Variants in ITFG1 observed in about 807,000 individuals in gnomAD.
ITFG1 encodes T-cell immunomodulatory protein.
Under a neutral mutation model 81.8 loss-of-function variants are expected in ITFG1, and 34 were observed. The ratio of observed to expected loss-of-function variants is 0.42; its 90% CI spans 0.32 to 0.55. The LOEUF (loss-of-function observed/expected upper bound fraction) is 0.55, where lower values mean the gene tolerates loss of function less well. ITFG1 is among the 20% of genes least tolerant of loss of function. ITFG1 has a pLI of 0.17. For missense variants in ITFG1, 672 were observed against 755.4 expected (o/e 0.89, Z 1.29); for synonymous variants, 285 against 270.6 (o/e 1.05, Z -0.52).
chr16:47,293,188 T>C (rs945992605), intron 10 of ITFG1, among the ~76,000 whole-genome samples: 2 of 147,618 alleles, frequency 1.4e-5, no homozygotes, highest in Non-Finnish European at 3.0e-5. Context: ...ACAAATGATA[T>C]ATATTATATA....
intron 5 of ITFG1, among the ~76,000 whole-genome samples, chr16:47,438,655 A>C (rs1969202780): frequency 6.6e-6 from 1 of 152,194 alleles, no homozygotes; most frequent in Admixed American, 6.5e-5. Context: ...TAACAAACAG[A>C]ATGGACATCC....
At chr16:47,226,338 T>C (rs961050804) in intron 13 of ITFG1, among the ~76,000 whole-genome samples, 1 of 152,236 alleles carries the variant, frequency 6.6e-6, no homozygotes, top group Non-Finnish European at 1.5e-5. Context: ...GCCTCCCAAG[T>C]AGCTGGGACT....
intron 5 of ITFG1, among the ~76,000 whole-genome samples, chr16:47,434,550 C>T (rs1378161985): frequency 6.6e-6 from 1 of 152,110 alleles, no homozygotes; most frequent in East Asian, 1.9e-4. Flanking sequence ...CAAAAAGCAA[C>T]AGATTCTGGC....
In ITFG1 at chr16:47,442,985, T is replaced by G. The variant is rs1052636935; in HGVS notation, c.560+8411A>C. ...AGGCAACCTACAGAATGGGAGAAAA[T>G]TTTTGCAACCTACTCATGTGACAAA... is the stretch of plus-strand genomic sequence containing the variant. On this transcript the variant is annotated intron_variant, in intron 5 of 17. Coordinates refer to ENST00000320640, the MANE Select transcript of ITFG1 (RefSeq NM_030790.5). Among the ~76,000 whole-genome samples the G allele has an allele frequency of 4.6e-5, 7 of 151,736 alleles. No individual in the cohort carries two copies. In the South Asian group the frequency reaches 8.4e-4, roughly 18 times the overall value.
chr16:47,245,893 C>T (rs1364592720), intron 12 of ITFG1, among the ~76,000 whole-genome samples: 1 of 151,632 alleles, frequency 6.6e-6, no homozygotes, highest in Non-Finnish European at 1.5e-5. Context: ...TACTCACGGT[C>T]ACAAGGTGAA....
Position 47,222,577 on chromosome 16 carries a change from C to A in ITFG1, c.1375-3631G>T, listed in dbSNP as rs1253449947. Among the ~76,000 whole-genome samples, 4 of 152,088 alleles carry A rather than the reference C, an allele frequency of 2.6e-5. No individual in the cohort carries two copies. In the East Asian group the frequency reaches 7.7e-4, roughly 29 times the overall value. On this transcript the variant is annotated intron_variant, in intron 13 of 17. Coordinates refer to ENST00000320640, the MANE Select transcript of ITFG1 (RefSeq NM_030790.5). ...TACAGGCACCCGCCACCAGGCCCGG[C>A]TAATTTTTTATATTTTTAGTAGAGA... is the stretch of plus-strand genomic sequence containing the variant.
At chr16:47,442,781 C>A (rs565333295) in intron 5 of ITFG1, among the ~76,000 whole-genome samples, 3 of 152,144 alleles carry the variant, frequency 2.0e-5, no homozygotes, top group African/African-American at 7.2e-5. Context: ...CATGTTAGCC[C>A]TAAAACCATA....
Position 47,450,420 on chromosome 16 carries a change from T to C in ITFG1, c.560+976A>G, listed in dbSNP as rs144418830. On this transcript the variant is annotated intron_variant, in intron 5 of 17. Transcript: ENST00000320640. ...GTCTGACCTTGGTTAGCTTCCGAGA[T>C]CAGAAGAGATGGGGCGCGTTCAGGG... The C allele has an allele frequency of 1.6e-4, 68 of 413,192 alleles. 1 individual carries two copies. In the East Asian group the frequency reaches 5.1e-3, roughly 31 times the overall value. 25.6% of individuals were successfully genotyped at this position (413,192 alleles called of 1,614,324 possible). A position where few individuals can be genotyped will look rare whatever the true frequency, so the allele number is the denominator to read the frequency against.
intron 6 of ITFG1, among the ~76,000 whole-genome samples, chr16:47,397,739 C>G (rs995281978): frequency 1.3e-5 from 2 of 152,126 alleles, no homozygotes; most frequent in Non-Finnish European, 2.9e-5. Context: ...AAAGGCAAGG[C>G]AATGAGGAAA....
intron 8 of ITFG1, among the ~76,000 whole-genome samples, chr16:47,354,562 G>A (rs1348773900): frequency 6.6e-6 from 1 of 152,064 alleles, no homozygotes; most frequent in African/African-American, 2.4e-5. Flanking sequence ...TGAGATTACA[G>A]CTAACTAAAA....
intron 13 of ITFG1, among the ~76,000 whole-genome samples, chr16:47,231,404 GA>G (rs376154583): frequency 5.6e-4 from 85 of 150,758 alleles, no homozygotes; most frequent in African/African-American, 1.1e-3. Context: ...ATATTTGAAG[GA>G]AAAAAAAATC....
At chr16:47,328,034 C>T (rs878872429) in intron 8 of ITFG1, among the ~76,000 whole-genome samples, 3 of 152,094 alleles carry the variant, frequency 2.0e-5, no homozygotes, top group African/African-American at 4.8e-5. Flanking sequence ...ATGTTTACTG[C>T]GGCACTATTC....
At position 47,236,764 on chromosome 16, in the gene ITFG1, T is replaced by C. The variant is rs75105198; in HGVS notation, c.1374+1201A>G. Among the ~76,000 whole-genome samples, 241 of 152,286 alleles carry C rather than the reference T, an allele frequency of 1.6e-3. 5 individuals carry two copies. The East Asian group carries it at 0.043, about 27-fold the overall frequency. On this transcript the variant is annotated intron_variant, in intron 13 of 17. Transcript: ENST00000320640. The stretch of plus-strand genomic sequence containing the variant: ...ACAGTTTTACAGTGATATAAAAGTA[T>C]ATGGGTTGGACCAAACATTCACATG...
intron 10 of ITFG1, among the ~76,000 whole-genome samples, chr16:47,301,175 A>AT (rs1967069962): frequency 6.6e-6 from 1 of 152,220 alleles, no homozygotes; most frequent in South Asian, 2.1e-4. Context: ...AACAAGCACC[A>AT]TTAGGCAATC....
At chr16:47,269,459 G>C (rs969677463) in intron 10 of ITFG1, among the ~76,000 whole-genome samples, 1 of 147,526 alleles carries the variant, frequency 6.8e-6, no homozygotes, top group African/African-American at 2.5e-5. Context: ...GACCAGCCTG[G>C]GCAACATAGA....
chr16:47,185,108 G>A (rs1045813640), intron 14 of ITFG1, among the ~76,000 whole-genome samples: 3 of 151,766 alleles, frequency 2.0e-5, no homozygotes, highest in African/African-American at 4.8e-5. Context: ...ACCCAATACA[G>A]GAGCACCCAG....
chr16:47,357,330 T>C (rs988016670), intron 8 of ITFG1, among the ~76,000 whole-genome samples: 3 of 151,892 alleles, frequency 2.0e-5, no homozygotes, highest in African/African-American at 4.8e-5. Context: ...AAAAATTAAA[T>C]GCGGCTGGGC....
intron 14 of ITFG1, among the ~76,000 whole-genome samples, chr16:47,207,972 T>C (rs1267358394): frequency 1.3e-5 from 2 of 152,190 alleles, no homozygotes; most frequent in Admixed American, 1.3e-4. Flanking sequence ...TTAGTATGCA[T>C]TATCTCATAA....
At chr16:47,308,813 G>T (rs960149763) in intron 10 of ITFG1, among the ~76,000 whole-genome samples, 3 of 152,074 alleles carry the variant, frequency 2.0e-5, no homozygotes, top group Non-Finnish European at 4.4e-5. Flanking sequence ...TCTAGGCTTG[G>T]AACTCCGATA....
Sources: gnomAD v4.1 joint callset for allele counts (sites outside exome capture counted in the v4.1 genomes callset) on GRCh38, gnomAD v4.1.1 for gene constraint, MANE v1.5 for transcripts, NCBI Gene and HGNC (gene_info 2026-07-23, HGNC 2026-07-21) for gene names.